Variants in ADAMTS14 observed in about 807,000 individuals in gnomAD.
ADAMTS14 encodes A disintegrin and metalloproteinase with thrombospondin motifs 14.
In ADAMTS14, 100 loss-of-function variants were observed where a neutral mutation model predicts 128.6. The ratio of observed to expected loss-of-function variants is 0.78; its 90% CI spans 0.66 to 0.92. ADAMTS14 has a LOEUF of 0.92. Among genes scored for constraint, ADAMTS14 ranks in the 40% least tolerant of loss-of-function variants. ADAMTS14 has a pLI of 0.00. For missense variants in ADAMTS14, 1,562 were observed against 1,658.6 expected, an observed-to-expected ratio of 0.94 and a Z score of 1.01; for synonymous variants, 665 against 653.8, an observed-to-expected ratio of 1.02 and a Z score of -0.26.
intron 8 of ADAMTS14, 89 bp downstream of exon 8, chr10:70,734,117 C>A: frequency 6.5e-7 from 1 of 1,529,532 alleles, no homozygotes; most frequent in Non-Finnish European, 8.8e-7. Flanking sequence ...GGCTTCCCCA[C>A]GTTGCCCCTG....
chr10:70,737,751 C>A (rs1232733286), intron 10 of ADAMTS14, among the ~76,000 whole-genome samples: 2 of 152,182 alleles, frequency 1.3e-5, no homozygotes, highest in African/African-American at 2.4e-5. Context: ...CAGACCCTCC[C>A]CAGCCACAGT....
intron 15 of ADAMTS14, chr10:70,745,575 G>T: frequency 2.1e-6 from 1 of 475,398 alleles, no homozygotes; most frequent in African/African-American, 2.0e-5. Context: ...CTTCCCTAAG[G>T]GCAACTACTG....
intron 2 of ADAMTS14, among the ~76,000 whole-genome samples, chr10:70,691,282 CA>C (rs1321142337): frequency 2.1e-5 from 3 of 143,282 alleles, no homozygotes; most frequent in Admixed American, 6.9e-5. Context: ...CCCTTGAGGT[CA>C]GGGGTTCAAG....
intron 18 of ADAMTS14, 34 bp from the exon 19 acceptor site, chr10:70,753,766 G>A: frequency 6.6e-7 from 1 of 1,517,956 alleles, no homozygotes; most frequent in Non-Finnish European, 8.9e-7. Context: ...GTGCCCCCTT[G>A]GTCTCACCTC....
intron 3 of ADAMTS14, among the ~76,000 whole-genome samples, chr10:70,703,861 G>A (rs1840569377): frequency 1.3e-5 from 2 of 152,246 alleles, no homozygotes; most frequent in Admixed American, 6.5e-5. Context: ...GAACTCCAGT[G>A]AGGCCAGGCC....
intron 2 of ADAMTS14, among the ~76,000 whole-genome samples, chr10:70,691,504 A>AC (rs1840188490): frequency 8.9e-6 from 1 of 112,564 alleles, no homozygotes; most frequent in Admixed American, 8.8e-5. Flanking sequence ...AAAAAAAAAA[A>AC]AAAAACAAAG....
intron 10 of ADAMTS14, 44 bp from the exon 11 acceptor site, chr10:70,738,798 C>T (rs201206201): frequency 1.4e-5 from 22 of 1,612,026 alleles, no homozygotes; most frequent in Non-Finnish European, 1.5e-5. Context: ...GTGGGCTCAG[C>T]AGCAGCAGCC....
At chr10:70,685,628 G>A (rs112052354) in intron 2 of ADAMTS14, among the ~76,000 whole-genome samples, 133 of 152,256 alleles carry the variant, frequency 8.7e-4, no homozygotes, top group Middle Eastern at 3.4e-3. Flanking sequence ...GTCAGGGCAC[G>A]CAAGGACCAA....
intron 4 of ADAMTS14, among the ~76,000 whole-genome samples, chr10:70,711,964 T>C (rs1415393848): frequency 6.6e-6 from 1 of 152,108 alleles, no homozygotes. Context: ...TGGCCGCCCC[T>C]GTGTGTGGAC....
chr10:70,757,957 G>A lies in ADAMTS14; in HGVS notation c.2938-5G>A, dbSNP rs377152726. The A allele has an allele frequency of 1.8e-5, 29 of 1,605,734 alleles. No individual in the cohort carries two copies. Among genetic ancestry groups the A allele is most frequent in the Middle Eastern group, 1.8e-4 (1 of 5,476 alleles). On this transcript the variant is annotated splice_polypyrimidine_tract_variant and splice_region_variant and intron_variant, in intron 19 of 21. Transcript: ENST00000373207. ...CTATGCCTGGCACTGACCCACCCAC[G>A]GCAGTGCTCTGCCACCTGTGGAGAG...
chr10:70,736,375 G>A (rs1861519), intron 9 of ADAMTS14, among the ~76,000 whole-genome samples: 125,476 of 152,020 alleles, frequency 0.83, 52,600 homozygotes, highest in East Asian at 0.91. Context: ...AGAGCCTCAC[G>A]CCCTAGTCCC....
intron 6 of ADAMTS14, 46 bp downstream of exon 6, chr10:70,730,295 C>T: frequency 1.3e-6 from 2 of 1,582,666 alleles, no homozygotes; most frequent in Non-Finnish European, 1.7e-6. Context: ...GTGCAGCATG[C>T]ACGGCAGACA....
intron 11 of ADAMTS14, among the ~76,000 whole-genome samples, chr10:70,739,633 A>G (rs1841935290): frequency 1.3e-5 from 2 of 152,056 alleles, no homozygotes; most frequent in African/African-American, 2.4e-5. Flanking sequence ...GGCCAGCTGC[A>G]TGGCTTGGTT....
intron 8 of ADAMTS14, 129 bp downstream of exon 8, chr10:70,734,157 C>G: frequency 8.1e-7 from 1 of 1,233,556 alleles, no homozygotes; most frequent in Non-Finnish European, 1.1e-6. Context: ...CATCTCGCCT[C>G]CCCGCCAAAC....
chr10:70,691,396 C>T (rs71477507), intron 2 of ADAMTS14, among the ~76,000 whole-genome samples: 38,756 of 132,240 alleles, frequency 0.29, 10,228 homozygotes, highest in Non-Finnish European at 0.41. Flanking sequence ...GAAACTGAGG[C>T]GGGAGAATCG....
intron 2 of ADAMTS14, among the ~76,000 whole-genome samples, chr10:70,688,650 G>A (rs1469620321): frequency 7.1e-5 from 8 of 112,272 alleles, no homozygotes; most frequent in African/African-American, 2.5e-4. Context: ...CGGATCACTC[G>A]CGGTTAGGGG....
At chr10:70,686,184 G>A (rs1839944886) in intron 2 of ADAMTS14, among the ~76,000 whole-genome samples, 1 of 151,986 alleles carries the variant, frequency 6.6e-6, no homozygotes. Flanking sequence ...TTAGAGAAAT[G>A]TCTGGAGGTG....
In ADAMTS14 at chr10:70,729,288, T is replaced by C. The variant is rs1383717171; in HGVS notation, c.871-6T>C. The C allele has an allele frequency of 1.9e-6, 3 of 1,611,588 alleles. No individual in the cohort carries two copies. The highest frequency in any genetic ancestry group is 2.2e-5 in the East Asian group (1 of 44,864). On this transcript the variant is annotated splice_region_variant and splice_polypyrimidine_tract_variant and intron_variant, in intron 4 of 21. Transcript: ENST00000373207. Reference sequence around the variant, plus strand: ...CCTTCCCTTAAACTGTATTTTCTTCTTGCAGGTAGATGAGATTTACCACGA... The same window carrying C: ...CCTTCCCTTAAACTGTATTTTCTTCCTGCAGGTAGATGAGATTTACCACGA...
intron 19 of ADAMTS14, among the ~76,000 whole-genome samples, chr10:70,755,063 T>TG (rs1174283892): frequency 1.3e-5 from 2 of 151,926 alleles, no homozygotes; most frequent in Non-Finnish European, 2.9e-5. Context: ...GGCAGATCTT[T>TG]GGGAGGCTGA....
Sources: gnomAD v4.1 joint callset for allele counts (sites outside exome capture counted in the v4.1 genomes callset) on GRCh38, gnomAD v4.1.1 for gene constraint, MANE v1.5 for transcripts, NCBI Gene and HGNC (gene_info 2026-07-23, HGNC 2026-07-21) for gene names.